Variants in LAMB4 observed in about 807,000 individuals in gnomAD.
LAMB4 encodes laminin subunit beta 4, also known as laminin subunit beta-4.
A neutral mutation model predicts 199.2 loss-of-function variants in LAMB4; 196 were observed. The observed-to-expected ratio is 0.98, with a 90% CI of 0.88 to 1.11. LAMB4 has a LOEUF of 1.11. LAMB4 is among the 50% of genes least tolerant of loss of function. LAMB4 has a pLI of 0.00. For missense variants in LAMB4, 2,080 were observed against 2,171.2 expected, an observed-to-expected ratio of 0.96 and a Z score of 0.83; for synonymous variants, 744 against 770.6, an observed-to-expected ratio of 0.97 and a Z score of 0.57.
At chr7:108,046,138 G>A (rs576324905) in intron 28 of LAMB4, among the ~76,000 whole-genome samples, 2 of 151,806 alleles carry the variant, frequency 1.3e-5, no homozygotes, top group Non-Finnish European at 2.9e-5. Flanking sequence ...GCATGATCTC[G>A]GTTCACTGCA....
intron 17 of LAMB4, among the ~76,000 whole-genome samples, chr7:108,076,558 C>T (rs2150572736): frequency 6.6e-6 from 1 of 152,260 alleles, no homozygotes; most frequent in African/African-American, 2.4e-5. Context: ...TGGATTTCTT[C>T]CCCACATTTC....
In LAMB4 at chr7:108,092,385, T is replaced by C. The variant is rs771059605; in HGVS notation, c.1502A>G (p.His501Arg). The C allele has an allele frequency of 6.2e-7, 1 of 1,614,046 alleles. No individual in the cohort carries two copies. The change falls in exon 13 of 34, where the codon CAT (histidine) becomes CGT (arginine). Residue 501 changes from histidine (H) to arginine (R), a missense_variant. His to Arg is a conservative substitution (Grantham distance 29). Coordinates refer to ENST00000388781, the MANE Select transcript of LAMB4 (RefSeq NM_007356.3). ...VGYWGLGNHLHGCSPCDCDIG... is the reference protein window; with the variant it reads ...VGYWGLGNHLRGCSPCDCDIG... The stretch of plus-strand genomic sequence containing the variant: ...ATCACAGTCACAGGGAGAACACCCA[T>C]GGAGATGATTTCCCAGGCCCCAGTA...
At chr7:108,110,843 C>A (rs923655181) in intron 4 of LAMB4, among the ~76,000 whole-genome samples, 5 of 152,124 alleles carry the variant, frequency 3.3e-5, no homozygotes, top group African/African-American at 1.2e-4. Context: ...AATGAAATGG[C>A]ATTTAGTAGA....
chr7:108,021,013 A>T (rs2034681509), downstream of LAMB4, among the ~76,000 whole-genome samples: 1 of 152,220 alleles, frequency 6.6e-6, no homozygotes, highest in Admixed American at 6.5e-5. Flanking sequence ...GCAGTAGAGA[A>T]AGCAGATCTT....
chr7:108,108,655 G>GT (rs201220755), intron 5 of LAMB4, among the ~76,000 whole-genome samples: 3,687 of 144,114 alleles, frequency 0.026, 66 homozygotes, highest in Non-Finnish European at 0.036. Context: ...AAAGACTGGT[G>GT]TTTTTTTTTT....
chr7:108,062,743 G>T (rs1482664965), intron 23 of LAMB4, 31 bp downstream of exon 23: 1 of 1,225,108 alleles, frequency 8.2e-7, no homozygotes, highest in African/African-American at 1.6e-5. Flanking sequence ...TGCTCACTTT[G>T]AGTGCACTAG....
chr7:108,103,258 A>C, intron 9 of LAMB4, 26 bp from the exon 10 acceptor site: 1 of 1,518,188 alleles, frequency 6.6e-7, no homozygotes, highest in Non-Finnish European at 8.9e-7. Context: ...AGTGACTGAG[A>C]GGTAGACTAA....
intron 29 of LAMB4, among the ~76,000 whole-genome samples, chr7:108,037,821 G>C (rs1396203691): frequency 6.6e-6 from 1 of 152,204 alleles, no homozygotes. Context: ...TGCTGAACAA[G>C]TGCTTGTTGG....
intron 1 of LAMB4, among the ~76,000 whole-genome samples, chr7:108,129,078 T>G (rs2038891758): frequency 6.6e-6 from 1 of 152,256 alleles, no homozygotes; most frequent in East Asian, 1.9e-4. Flanking sequence ...TTTAATTTAC[T>G]GACCATTCAC....
chr7:108,119,451 T>G (rs2038523176), intron 2 of LAMB4, among the ~76,000 whole-genome samples: 1 of 152,104 alleles, frequency 6.6e-6, no homozygotes, highest in Non-Finnish European at 1.5e-5. Context: ...CAAAAAAAAG[T>G]AGTGAACCAT....
At chr7:108,066,333 A>C in intron 20 of LAMB4, 36 bp downstream of exon 20, 1 of 1,488,686 alleles carries the variant, frequency 6.7e-7, no homozygotes, top group Non-Finnish European at 9.3e-7. Flanking sequence ...CAAAGTGTTA[A>C]AGACCTAAAA....
intron 23 of LAMB4, among the ~76,000 whole-genome samples, chr7:108,059,926 G>C (rs752499995): frequency 3.9e-5 from 6 of 152,146 alleles, no homozygotes; most frequent in Non-Finnish European, 5.9e-5. Flanking sequence ...TTACGGCTTT[G>C]TAATATCTGC....
intron 23 of LAMB4, 39 bp downstream of exon 23, chr7:108,062,735 C>T: frequency 1.7e-6 from 2 of 1,179,000 alleles, no homozygotes; most frequent in Non-Finnish European, 2.3e-6. Flanking sequence ...CACTATCATG[C>T]TCACTTTGAG....
chr7:108,037,008 G>A (rs575335714), intron 30 of LAMB4, among the ~76,000 whole-genome samples: 1 of 151,902 alleles, frequency 6.6e-6, no homozygotes, highest in African/African-American at 2.4e-5. Context: ...TCAAAGTACT[G>A]CTTAGTGTAG....
intron 7 of LAMB4, among the ~76,000 whole-genome samples, chr7:108,106,239 G>A (rs906034981): frequency 2.6e-5 from 4 of 151,946 alleles, no homozygotes; most frequent in Non-Finnish European, 5.9e-5. Flanking sequence ...GCAACATGGC[G>A]ACACCCTGTC....
At chr7:108,119,166 C>T (rs905726998) in intron 2 of LAMB4, among the ~76,000 whole-genome samples, 3 of 152,076 alleles carry the variant, frequency 2.0e-5, no homozygotes, top group African/African-American at 4.8e-5. Context: ...GTGAAGATCC[C>T]GCATACCCTG....
chr7:108,129,224 C>T (rs79611383), intron 1 of LAMB4, among the ~76,000 whole-genome samples: 4,638 of 152,310 alleles, frequency 0.03, 185 homozygotes, highest in East Asian at 0.19. Context: ...ACCACAGGTG[C>T]ATCGTGTTTG....
At chr7:108,033,860 A>G (rs2528696) in intron 31 of LAMB4, among the ~76,000 whole-genome samples, 7 of 148,726 alleles carry the variant, frequency 4.7e-5, no homozygotes, top group Non-Finnish European at 8.9e-5. Flanking sequence ...TAAAAAGTCT[A>G]TTCCTTTCCC....
intron 17 of LAMB4, among the ~76,000 whole-genome samples, chr7:108,070,827 G>A (rs1414867683): frequency 6.6e-6 from 1 of 152,088 alleles, no homozygotes; most frequent in Non-Finnish European, 1.5e-5. Context: ...TTGTTCAAAA[G>A]TCATCTGTAT....
Sources: allele counts gnomAD v4.1 joint callset (sites outside exome capture counted in the v4.1 genomes callset), GRCh38; gene constraint gnomAD v4.1.1; transcripts MANE v1.5; gene names NCBI Gene and HGNC (gene_info 2026-07-23, HGNC 2026-07-21).